The following ERG variants were observed in gnomAD, a reference collection of about 807,000 sequenced individuals.
ERG encodes the protein ETS transcription factor ERG.
ERG carries 9 observed loss-of-function variants against 55.3 expected under a neutral mutation model. The ratio of observed to expected loss-of-function variants is 0.16; its 90% CI spans 0.10 to 0.28. The LOEUF (loss-of-function observed/expected upper bound fraction) is 0.28. Ranked by LOEUF, ERG falls within the 10% of genes least tolerant of loss-of-function variation. The pLI, the probability that ERG is intolerant of heterozygous loss-of-function variation, is 1.00. For missense variants in ERG, 434 were observed against 631.6 expected, an observed-to-expected ratio of 0.69 and a Z score of 3.35; for synonymous variants, 223 against 237.3, an observed-to-expected ratio of 0.94 and a Z score of 0.55.
At chr21:38,399,566 C>T (rs1324550411) in intron 6 of ERG, among the ~76,000 whole-genome samples, 1 of 152,206 alleles carries the variant, frequency 6.6e-6, no homozygotes, top group Non-Finnish European at 1.5e-5. Flanking sequence ...CCTAGCTTAT[C>T]GGGCTGATGT....
At chr21:38,533,654 G>A (rs544661013) in intron 2 of ERG, among the ~76,000 whole-genome samples, 3 of 152,206 alleles carry the variant, frequency 2.0e-5, no homozygotes, top group East Asian at 3.9e-4. Context: ...CTCTTGCCTG[G>A]GGTATATCAT....
intron 1 of ERG, among the ~76,000 whole-genome samples, chr21:38,595,928 T>C (rs2060128382): frequency 6.6e-6 from 1 of 152,110 alleles, no homozygotes; most frequent in Non-Finnish European, 1.5e-5. Flanking sequence ...ATTCAGCATT[T>C]TTTTTCTTTT....
intron 1 of ERG, among the ~76,000 whole-genome samples, chr21:38,475,037 A>G (rs758404107): frequency 8.9e-4 from 135 of 152,182 alleles, no homozygotes; most frequent in Middle Eastern, 3.2e-3. Flanking sequence ...CCAAAAATTA[A>G]ATAAGTTGCC....
chr21:38,423,084 AGTGTGTGTGTGTGTGT>A (rs71184624), intron 3 of ERG, among the ~76,000 whole-genome samples: 3 of 144,324 alleles, frequency 2.1e-5, no homozygotes, highest in Admixed American at 6.9e-5. Context: ...CTCCATACGT[AGTGTGTGTGTGTGTGT>A]GTGTGTGTGT....
chr21:38,497,752 A>G (rs1362614907), intron 1 of ERG, among the ~76,000 whole-genome samples: 1 of 152,202 alleles, frequency 6.6e-6, no homozygotes, highest in Non-Finnish European at 1.5e-5. Flanking sequence ...GTGCACAGAC[A>G]GTAGGTATTT....
intron 1 of ERG, among the ~76,000 whole-genome samples, chr21:38,611,902 G>A (rs2060229418): frequency 6.6e-6 from 1 of 150,966 alleles, no homozygotes; most frequent in Admixed American, 6.6e-5. Flanking sequence ...TTGTTTTCTG[G>A]TTTATAAACT....
intron 2 of ERG, among the ~76,000 whole-genome samples, chr21:38,572,191 C>T (rs1277253906): frequency 8.2e-5 from 3 of 36,740 alleles, no homozygotes; most frequent in African/African-American, 1.5e-4. Context: ...CCCGTCTCTA[C>T]TAAAAAAAAA....
chr21:38,599,662 T>A (rs1164190817), intron 1 of ERG, among the ~76,000 whole-genome samples: 1 of 152,136 alleles, frequency 6.6e-6, no homozygotes, highest in Admixed American at 6.5e-5. Flanking sequence ...ATGCAAAGAA[T>A]CTTGAAACAG....
chr21:38,629,919 C>T (rs2060347229), intron 1 of ERG, among the ~76,000 whole-genome samples: 1 of 152,098 alleles, frequency 6.6e-6, no homozygotes, highest in Non-Finnish European at 1.5e-5. Context: ...TATTACTCAG[C>T]CTTAAAAAAG....
In ERG at chr21:38,604,220, C is replaced by T. The variant is rs191503306; in HGVS notation, c.-149-19275G>A. 7.0e-3 allele frequency among the ~76,000 whole-genome samples: 1,049 copies of T among 149,652 alleles called. 9 individuals are homozygous for T. Among genetic ancestry groups the T allele is most frequent in the African/African-American group, 0.024 (968 of 40,576 alleles). On this transcript the variant is annotated intron_variant, in intron 1 of 10. Coordinates refer to the ERG transcript ENST00000398910. ...AGTGAGCCGAGATCGCACCACTGCA[C>T]TCCAGCCTGGGCGACAGAGCGAGAC...
intron 1 of ERG, among the ~76,000 whole-genome samples, chr21:38,482,710 G>A (rs900082590): frequency 6.6e-6 from 1 of 150,994 alleles, no homozygotes; most frequent in Non-Finnish European, 1.5e-5. Context: ...TGGAATCTCA[G>A]TCTGTTGCCC....
chr21:38,558,119 T>C (rs1029139851), intron 2 of ERG, among the ~76,000 whole-genome samples: 4 of 152,102 alleles, frequency 2.6e-5, no homozygotes. Flanking sequence ...ACCAGACTAT[T>C]AAGGCAGAAT....
At chr21:38,521,534 T>C (rs2059594498) in intron 2 of ERG, among the ~76,000 whole-genome samples, 1 of 152,106 alleles carries the variant, frequency 6.6e-6, no homozygotes, top group East Asian at 1.9e-4. Flanking sequence ...TTTAGAACAA[T>C]ATTCAGGGTG....
intron 1 of ERG, among the ~76,000 whole-genome samples, chr21:38,648,816 T>C (rs148398666): frequency 2.0e-4 from 30 of 152,346 alleles, no homozygotes; most frequent in South Asian, 1.2e-3. Context: ...CCTGATTTCA[T>C]TGGACTCGCT....
At chr21:38,591,253 G>T (rs2060098913) in intron 1 of ERG, among the ~76,000 whole-genome samples, 1 of 152,192 alleles carries the variant, frequency 6.6e-6, no homozygotes, top group South Asian at 2.1e-4. Context: ...ACAGGTCCTG[G>T]ATTTGGCAAC....
intron 2 of ERG, among the ~76,000 whole-genome samples, chr21:38,513,792 A>C (rs2059531952): frequency 6.6e-6 from 1 of 152,176 alleles, no homozygotes; most frequent in South Asian, 2.1e-4. Context: ...ATAACAAATG[A>C]GAACAAAATT....
At chr21:38,513,025 G>A (rs1439277714) in intron 2 of ERG, among the ~76,000 whole-genome samples, 4 of 151,964 alleles carry the variant, frequency 2.6e-5, no homozygotes, top group Admixed American at 2.0e-4. Context: ...CAGCTACTCA[G>A]GAGGCTGAGG....
rs1269146325 is a variant in ERG, at chr21:38,380,637, A to C, written c.*2766T>G. ...TTTGGAATTAGATTACAACAGTAAC[A>C]GAGAGTTAATGCCATTTTGAAACAA... On this transcript the variant is annotated 3_prime_UTR_variant, in exon 10 of 10. Transcript: ENST00000288319. 9.4e-7 allele frequency: 1 copy of C among 1,065,222 alleles called. No individual in the cohort carries two copies. Among genetic ancestry groups the C allele is most frequent in the African/African-American group, 1.6e-5 (1 of 61,080 alleles). The allele number at this position is 1,065,222 out of a possible 1,614,324, so 66.0% of individuals were successfully genotyped here.
chr21:38,622,988 TACACACCACACACACACAAAGCATGC>T (rs1396675492), intron 1 of ERG, among the ~76,000 whole-genome samples: 1 of 99,980 alleles, frequency 1.0e-5, no homozygotes, highest in Non-Finnish European at 2.0e-5. Context: ...ACATTTTACA[TACACACCACACACACACAAAGCATGC>T]ACACACCACA....
Sources: gnomAD v4.1 joint callset for allele counts (sites outside exome capture counted in the v4.1 genomes callset) on GRCh38, gnomAD v4.1.1 for gene constraint, MANE v1.5 for transcripts, NCBI Gene and HGNC (gene_info 2026-07-23, HGNC 2026-07-21) for gene names.